The following PLEKHA7 variants were observed in gnomAD, a reference collection of about 807,000 sequenced individuals.
PLEKHA7 encodes the protein pleckstrin homology domain-containing family A member 7.
A neutral mutation model predicts 170.0 loss-of-function variants in PLEKHA7; 104 were observed. The observed-to-expected ratio is 0.61, with a 90% CI of 0.52 to 0.72. The LOEUF (loss-of-function observed/expected upper bound fraction) is 0.72. PLEKHA7 is among the 30% of genes least tolerant of loss of function. The probability of loss-of-function intolerance (pLI) is 0.00; values close to 1 mark genes in which losing one functional copy is unlikely to be tolerated. For synonymous variants in PLEKHA7, 648 were observed against 660.8 expected, an observed-to-expected ratio of 0.98 and a Z score of 0.30; for missense variants, 1,615 against 1,671.7, an observed-to-expected ratio of 0.97 and a Z score of 0.59.
intron 6 of PLEKHA7, 110 bp from the exon 7 acceptor site, chr11:16,852,465 G>T: frequency 1.2e-6 from 1 of 811,220 alleles, no homozygotes; most frequent in Non-Finnish European, 1.9e-6. Context: ...TTCACTCTTT[G>T]TTTTAATAAA....
Position 16,893,797 on chromosome 11 carries a change from G to A in PLEKHA7, c.222-22615C>T, listed in dbSNP as rs569992226. Among the ~76,000 whole-genome samples, 3 of 152,340 alleles carry A rather than the reference G, an allele frequency of 2.0e-5. No individual in the cohort carries two copies. The East Asian group carries it at 5.8e-4, about 29-fold the overall frequency. ...CAGCACACAGATCTGAGGGCCAGCAGTGCCCAAAGCCCAAGGGATGTCCAT... is the reference window on the plus strand; with the variant it reads ...CAGCACACAGATCTGAGGGCCAGCAATGCCCAAAGCCCAAGGGATGTCCAT... On this transcript the variant is annotated intron_variant, in intron 3 of 26. Coordinates refer to ENST00000531066, the MANE Select transcript of PLEKHA7 (RefSeq NM_001329630.2).
At chr11:16,978,567 G>C (rs2136811770) in intron 3 of PLEKHA7, among the ~76,000 whole-genome samples, 1 of 152,300 alleles carries the variant, frequency 6.6e-6, no homozygotes, top group South Asian at 2.1e-4. Context: ...GCTGTATTTA[G>C]AAAAACAGAT....
chr11:16,879,447 G>A (rs1004263002), intron 3 of PLEKHA7, among the ~76,000 whole-genome samples: 1 of 152,262 alleles, frequency 6.6e-6, no homozygotes, highest in Non-Finnish European at 1.5e-5. Flanking sequence ...AAGATACGGG[G>A]AGGCAGAAGG....
intron 7 of PLEKHA7, 41 bp from the exon 8 acceptor site, chr11:16,851,332 T>G: frequency 6.6e-7 from 1 of 1,513,176 alleles, no homozygotes; most frequent in South Asian, 1.2e-5. Context: ...TTCTGGGCAG[T>G]TTCCCTGGGC....
chr11:16,809,210 G>C (rs1229138083), intron 13 of PLEKHA7, among the ~76,000 whole-genome samples: 1 of 152,168 alleles, frequency 6.6e-6, no homozygotes, highest in Admixed American at 6.5e-5. Context: ...ATGATTACTT[G>C]GCACCCCAGC....
intron 23 of PLEKHA7, chr11:16,788,591 C>T (rs920474652): frequency 1.2e-5 from 2 of 162,522 alleles, no homozygotes; most frequent in African/African-American, 4.8e-5. Flanking sequence ...CCCCAGCAAT[C>T]CCAGACACCC....
chr11:16,980,604 G>C (rs1863365594), intron 3 of PLEKHA7, among the ~76,000 whole-genome samples: 1 of 152,144 alleles, frequency 6.6e-6, no homozygotes, highest in African/African-American at 2.4e-5. Context: ...GTTTGGTTTG[G>C]TTTGGGGGGG....
At chr11:16,979,027 T>C (rs1863242275) in intron 3 of PLEKHA7, among the ~76,000 whole-genome samples, 1 of 151,964 alleles carries the variant, frequency 6.6e-6, no homozygotes, top group South Asian at 2.1e-4. Flanking sequence ...ACCTGATTCT[T>C]TTGTTGTTGT....
intron 3 of PLEKHA7, among the ~76,000 whole-genome samples, chr11:16,919,205 ACT>A (rs1858911081): frequency 6.6e-6 from 1 of 151,864 alleles, no homozygotes; most frequent in Admixed American, 6.6e-5. Context: ...CAAGAGTGAA[ACT>A]CTGTCTCAAA....
chr11:16,987,537 T>C (rs7116064), intron 3 of PLEKHA7, among the ~76,000 whole-genome samples: 7,653 of 152,214 alleles, frequency 0.05, 365 homozygotes, highest in East Asian at 0.14. Flanking sequence ...AACCTTTGCT[T>C]ACCCTATCCC....
intron 3 of PLEKHA7, among the ~76,000 whole-genome samples, chr11:16,950,401 T>C (rs1861329235): frequency 1.3e-5 from 2 of 152,246 alleles, no homozygotes; most frequent in Admixed American, 6.5e-5. Context: ...TCCCCTGATG[T>C]TCCAGGGAGC....
In PLEKHA7 at chr11:16,822,502, GAA is replaced by G. The variant is rs775136335; in HGVS notation, c.1343+3616_1343+3617del. Among the ~76,000 whole-genome samples the G allele has an allele frequency of 2.9e-3, 225 of 78,914 alleles. 1 individual carries two copies. Among genetic ancestry groups the G allele is most frequent in the African/African-American group, 0.012 (184 of 15,994 alleles). 51.8% of individuals were successfully genotyped at this position (78,914 alleles called of 152,430 possible). ...TCTCAAGTGTCTGCTTTTGGTAGGG[GAA>G]AAAAAAAAAAAAAAAAAAAAAAGGA... On this transcript the variant is annotated intron_variant, in intron 10 of 26. Coordinates refer to ENST00000531066, the MANE Select transcript of PLEKHA7 (RefSeq NM_001329630.2).
At chr11:16,816,362 C>T (rs1320612059) in intron 11 of PLEKHA7, 98 bp from the exon 12 acceptor site, 1 of 807,230 alleles carries the variant, frequency 1.2e-6, no homozygotes, top group Non-Finnish European at 2.1e-6. Context: ...GAGCCCCAGA[C>T]TTCTCATCTA....
chr11:16,778,373 C>T lies in PLEKHA7; in HGVS notation c.*625G>A, dbSNP rs996881510. The T allele has an allele frequency of 6.5e-6, 1 of 152,738 alleles. No individual in the cohort carries two copies. Among genetic ancestry groups the T allele is most frequent in the Non-Finnish European group, 1.5e-5 (1 of 68,448 alleles). 9.5% of individuals were successfully genotyped at this position (152,738 alleles called of 1,614,324 possible). ...GTGGGCCCCAGTCCTCTTGAACACA[C>T]TGTTGCCCCTAAGCCAAACCCAAGG... On this transcript the variant is annotated 3_prime_UTR_variant, in exon 27 of 27. Coordinates refer to ENST00000531066, the MANE Select transcript of PLEKHA7 (RefSeq NM_001329630.2).
At chr11:16,858,128 T>C (rs769589095) in intron 4 of PLEKHA7, among the ~76,000 whole-genome samples, 99 of 152,344 alleles carry the variant, frequency 6.5e-4, no homozygotes, top group Non-Finnish European at 1.1e-3. Flanking sequence ...TCACCCATAG[T>C]CCAGCTACTG....
At chr11:16,900,954 T>G (rs1231411982) in intron 3 of PLEKHA7, among the ~76,000 whole-genome samples, 1 of 151,912 alleles carries the variant, frequency 6.6e-6, no homozygotes, top group African/African-American at 2.4e-5. Flanking sequence ...CAAATGATTC[T>G]CCTGCTCAGC....
intron 17 of PLEKHA7, among the ~76,000 whole-genome samples, chr11:16,798,470 G>GA (rs148981232): frequency 9.7e-5 from 14 of 143,742 alleles, no homozygotes; most frequent in South Asian, 4.4e-4. Context: ...AGGGAAGGGG[G>GA]AAAAAAAAAA....
chr11:16,815,824 G>A (rs113709667), intron 12 of PLEKHA7, among the ~76,000 whole-genome samples: 8 of 152,236 alleles, frequency 5.3e-5, no homozygotes, highest in African/African-American at 1.7e-4. Context: ...TCTCAGACTC[G>A]AGCTTTGAAG....
chr11:16,946,876 A>C (rs1024478236), intron 3 of PLEKHA7, among the ~76,000 whole-genome samples: 3 of 152,088 alleles, frequency 2.0e-5, no homozygotes, highest in African/African-American at 7.2e-5. Flanking sequence ...TCCACTGATC[A>C]AAGTGGAAGA....
Sources: allele counts gnomAD v4.1 joint callset (sites outside exome capture counted in the v4.1 genomes callset), GRCh38; gene constraint gnomAD v4.1.1; transcripts MANE v1.5; gene names NCBI Gene and HGNC (gene_info 2026-07-23, HGNC 2026-07-21).